DOCK3: variants seen among roughly 807,000 people sequenced by gnomAD.
The protein encoded by DOCK3 is dedicator of cytokinesis protein 3.
DOCK3 carries 60 observed loss-of-function variants against 265.6 expected under a neutral mutation model. That is an observed-to-expected ratio of 0.23 (90% CI 0.18 to 0.28). The LOEUF is 0.28. Among genes scored for constraint, DOCK3 ranks in the 10% least tolerant of loss-of-function variants. The pLI, the probability that DOCK3 is intolerant of heterozygous loss-of-function variation, is 1.00. For missense variants in DOCK3, 1,981 were observed against 2,594.3 expected, an observed-to-expected ratio of 0.76 and a Z score of 5.14; for synonymous variants, 881 against 938.0, an observed-to-expected ratio of 0.94 and a Z score of 1.11.
chr3:51,227,463 C>T lies in DOCK3; in HGVS notation c.1540+18C>T, dbSNP rs112656755. 5,360 of 1,613,498 alleles carry T rather than the reference C, an allele frequency of 3.3e-3. 120 individuals are homozygous for T. In the African/African-American group the frequency reaches 0.047, roughly 14 times the overall value. ...TTGTTCCAGTGAGTTAGACTTCCCC[C>T]CCTCCACATTCCCTTGAGAATATAA... On this transcript the variant is annotated intron_variant, in intron 16 of 52. Transcript: ENST00000266037.
At chr3:51,182,674 G>A (rs1167400648) in intron 12 of DOCK3, among the ~76,000 whole-genome samples, 2 of 152,202 alleles carry the variant, frequency 1.3e-5, no homozygotes, top group Non-Finnish European at 2.9e-5. Context: ...CAACTGAGAA[G>A]TGGAGACTCC....
intron 5 of DOCK3, among the ~76,000 whole-genome samples, chr3:51,018,219 C>G (rs2079434762): frequency 6.6e-6 from 1 of 151,782 alleles, no homozygotes; most frequent in South Asian, 2.1e-4. Flanking sequence ...CACCAAAACT[C>G]TTGGTTTTGT....
At chr3:51,196,276 C>T (rs964499792) in intron 12 of DOCK3, among the ~76,000 whole-genome samples, 4 of 152,064 alleles carry the variant, frequency 2.6e-5, no homozygotes, top group Non-Finnish European at 4.4e-5. Flanking sequence ...TTATCCCATT[C>T]TCTTCTGGCC....
chr3:51,377,062 C>G (rs1684725212), intron 51 of DOCK3, among the ~76,000 whole-genome samples: 1 of 152,262 alleles, frequency 6.6e-6, no homozygotes, highest in Admixed American at 6.5e-5. Flanking sequence ...AGAGTCTAGA[C>G]AGGCTTAGAG....
chr3:51,144,059 G>A (rs984738936), intron 9 of DOCK3, among the ~76,000 whole-genome samples: 8 of 152,092 alleles, frequency 5.3e-5, no homozygotes, highest in African/African-American at 1.9e-4. Context: ...TCAAGGCTTA[G>A]TTTTTTTCAT....
chr3:50,864,022 G>C (rs2047030687), intron 3 of DOCK3, among the ~76,000 whole-genome samples: 1 of 152,064 alleles, frequency 6.6e-6, no homozygotes, highest in African/African-American at 2.4e-5. Flanking sequence ...TTAGTTTTTT[G>C]AGGAACCCCT....
At chr3:50,917,581 G>A (rs4688697) in intron 4 of DOCK3, among the ~76,000 whole-genome samples, 10,942 of 151,740 alleles carry the variant, frequency 0.072, 1,009 homozygotes, top group East Asian at 0.33. Flanking sequence ...CTGTTTTTGT[G>A]TTTTTTAAAA....
intron 1 of DOCK3, among the ~76,000 whole-genome samples, chr3:50,754,969 T>G (rs751047910): frequency 1.3e-5 from 2 of 151,488 alleles, no homozygotes; most frequent in African/African-American, 2.4e-5. Context: ...TATATAAGTA[T>G]TTTTTAAGTT....
At chr3:51,319,396 TAA>T (rs10709692) in intron 32 of DOCK3, among the ~76,000 whole-genome samples, 2,856 of 142,052 alleles carry the variant, frequency 0.02, 58 homozygotes, top group African/African-American at 0.054. Context: ...CAACACTTGA[TAA>T]AAAAAAAAAA....
intron 12 of DOCK3, among the ~76,000 whole-genome samples, chr3:51,171,694 C>T (rs28810453): frequency 0.82 from 122,359 of 148,334 alleles, 50,891 homozygotes; most frequent in Middle Eastern, 0.9. Flanking sequence ...CCAGCCTGGG[C>T]GACAGAGCGA....
Position 51,351,782 on chromosome 3 carries a change from G to A in DOCK3, c.4107+1390G>A, listed in dbSNP as rs112161608. Among the ~76,000 whole-genome samples, 16 of 151,158 alleles carry A rather than the reference G, an allele frequency of 1.1e-4. 2 individuals are homozygous for A. Among genetic ancestry groups the A allele is most frequent in the African/African-American group, 2.7e-4 (11 of 41,162 alleles). On this transcript the variant is annotated intron_variant, in intron 40 of 52. Coordinates refer to ENST00000266037, the MANE Select transcript of DOCK3 (RefSeq NM_004947.5). ...AGCGATTCTTCTACCTCAGCCTCCC[G>A]AGTGGCTGGGATTACAGGCATGCGC...
chr3:51,107,978 A>G (rs2083358005), intron 9 of DOCK3, among the ~76,000 whole-genome samples: 1 of 152,216 alleles, frequency 6.6e-6, no homozygotes, highest in South Asian at 2.1e-4. Flanking sequence ...CATCAAACAA[A>G]TAGTGGACCT....
chr3:51,290,129 A>G (rs2081649915), intron 27 of DOCK3, among the ~76,000 whole-genome samples: 2 of 152,208 alleles, frequency 1.3e-5, no homozygotes, highest in African/African-American at 4.8e-5. Context: ...CAGTGTGGCA[A>G]TTCCTCAGGG....
intron 3 of DOCK3, among the ~76,000 whole-genome samples, chr3:50,872,928 T>G (rs4530518): frequency 0.15 from 22,606 of 152,174 alleles, 1,968 homozygotes; most frequent in African/African-American, 0.22. Context: ...ATCACCTTCA[T>G]GGCAGTGGGC....
In DOCK3 at chr3:51,064,878, C is replaced by G. The variant is rs558566388; in HGVS notation, c.464+282C>G. Among the ~76,000 whole-genome samples the G allele has an allele frequency of 2.8e-4, 43 of 152,192 alleles. 1 individual carries two copies. The highest frequency in any genetic ancestry group is 2.4e-3 in the Admixed American group (37 of 15,286). ...TCCTATAAAGTTAAATTTCTTTGAC[C>G]TCAGATTTCTTGATTCTACACCTCC... is the stretch of plus-strand genomic sequence containing the variant. On this transcript the variant is annotated intron_variant, in intron 6 of 52. Coordinates refer to ENST00000266037, the MANE Select transcript of DOCK3 (RefSeq NM_004947.5).
At chr3:51,002,311 A>C (rs1165032360) in intron 5 of DOCK3, among the ~76,000 whole-genome samples, 1 of 151,998 alleles carries the variant, frequency 6.6e-6, no homozygotes, top group African/African-American at 2.4e-5. Flanking sequence ...TTATTTGTTG[A>C]GATTGGAGAG....
intron 2 of DOCK3, among the ~76,000 whole-genome samples, chr3:50,798,363 C>A (rs1327589419): frequency 6.6e-6 from 1 of 152,194 alleles, no homozygotes; most frequent in African/African-American, 2.4e-5. Context: ...GCATAATACT[C>A]AGTTTTCCTG....
intron 5 of DOCK3, among the ~76,000 whole-genome samples, chr3:51,041,190 A>C (rs866736070): frequency 6.9e-5 from 1 of 14,414 alleles, no homozygotes; most frequent in Non-Finnish European, 1.2e-4. Context: ...ATATATATAT[A>C]TATATATATA....
chr3:51,207,661 C>T (rs777867499), intron 12 of DOCK3, among the ~76,000 whole-genome samples: 78 of 152,068 alleles, frequency 5.1e-4, no homozygotes, highest in Middle Eastern at 3.2e-3. Flanking sequence ...CTATTCCAAC[C>T]CTTTTTATTT....
Sources: gnomAD v4.1 joint callset for allele counts (sites outside exome capture counted in the v4.1 genomes callset) on GRCh38, gnomAD v4.1.1 for gene constraint, MANE v1.5 for transcripts, NCBI Gene and HGNC (gene_info 2026-07-23, HGNC 2026-07-21) for gene names.